Variants in PCDHGA10 observed in about 807,000 individuals in gnomAD.
The protein encoded by PCDHGA10 is protocadherin gamma subfamily A, 10, also known as protocadherin gamma-A10.
PCDHGA10 carries 42 observed loss-of-function variants against 59.5 expected under a neutral mutation model. The observed-to-expected ratio is 0.71, with a 90% CI of 0.55 to 0.91. The LOEUF (loss-of-function observed/expected upper bound fraction) is 0.91. Ranked by LOEUF, PCDHGA10 falls within the 40% of genes least tolerant of loss-of-function variation. The pLI is 0.00. For synonymous variants in PCDHGA10, 511 were observed against 517.2 expected, an observed-to-expected ratio of 0.99 and a Z score of 0.16; for missense variants, 1,111 against 1,198.2, an observed-to-expected ratio of 0.93 and a Z score of 1.07.
At chr5:141,441,871 G>A (rs1020432020) in intron 1 of PCDHGA10, 3 of 340,480 alleles carry the variant, frequency 8.8e-6, no homozygotes, top group Admixed American at 8.1e-5. Context: ...CGCGGAGCCT[G>A]GCTACCTGGT....
intron 3 of PCDHGA10, among the ~76,000 whole-genome samples, chr5:141,506,564 G>A (rs984395438): frequency 5.3e-5 from 8 of 152,016 alleles, no homozygotes; most frequent in East Asian, 1.9e-4. Context: ...AAACCCCCTC[G>A]GTTTCACTTA....
rs756761584 is a variant in PCDHGA10 at position 141,476,545 on chromosome 5, G to A, written c.2437-18262G>A. 13 of 1,614,230 alleles carry A rather than the reference G, an allele frequency of 8.1e-6. No homozygotes were observed. The Admixed American group carries it at 2.2e-4, about 27-fold the overall frequency. On this transcript the variant is annotated intron_variant, in intron 1 of 3. Coordinates refer to ENST00000398610, the MANE Select transcript of PCDHGA10 (RefSeq NM_018913.3). This position sits in a 1 kb window ranked among gnomAD's most constrained non-coding sequence, Gnocchi z 7.6. ...TCCCTACCCAGGAAATGAAATTGGA[G>A]ATTAGCGAGGCCGTGGCTCCGGGGA...
intron 1 of PCDHGA10, among the ~76,000 whole-genome samples, chr5:141,448,614 A>G (rs985924011): frequency 1.3e-5 from 2 of 152,070 alleles, no homozygotes; most frequent in East Asian, 1.9e-4. Flanking sequence ...ACCACTTTAT[A>G]TCTTCCTTTC....
Position 141,477,176 on chromosome 5 carries a change from G to A in PCDHGA10, c.2437-17631G>A. ...GAATGACAACGCCCCGGAGATCACA[G>A]TCACCTCCGTGTACAGCCCAGTACC... On this transcript the variant is annotated intron_variant, in intron 1 of 3. Transcript: ENST00000398610. The surrounding 1 kb of genome is among the most constrained non-coding windows in gnomAD (Gnocchi z 4.9). 2 of 1,614,206 alleles carry A rather than the reference G, an allele frequency of 1.2e-6. No individual in the cohort carries two copies. Among genetic ancestry groups the A allele is most frequent in the Admixed American group, 1.7e-5 (1 of 60,024 alleles).
chr5:141,460,848 C>T lies in PCDHGA10; in HGVS notation c.2437-33959C>T, dbSNP rs528601988. Among the ~76,000 whole-genome samples, 257 of 150,340 alleles carry T rather than the reference C, an allele frequency of 1.7e-3. 1 individual carries two copies. The highest frequency in any genetic ancestry group is 4.2e-3 in the Admixed American group (62 of 14,868). ...ACACTTAAAGTAATGGCCTCCAGTT[C>T]GATCCAAGTTGCTGCAAAGGACATT... is the stretch of plus-strand genomic sequence containing the variant. On this transcript the variant is annotated intron_variant, in intron 1 of 3. Transcript: ENST00000398610.
At chr5:141,418,563 C>A (rs2096269554) in intron 1 of PCDHGA10, 2 of 1,613,998 alleles carry the variant, frequency 1.2e-6, no homozygotes, top group Non-Finnish European at 1.7e-6. Context: ...GTAATAGATG[C>A]CAATGACAAC....
chr5:141,421,403 A>G, intron 1 of PCDHGA10: 1 of 1,614,054 alleles, frequency 6.2e-7, no homozygotes, highest in Non-Finnish European at 8.5e-7. Context: ...GAGCCCCGGG[A>G]GCTGGCGAAG....
At chr5:141,423,332 C>T in intron 1 of PCDHGA10, 1 of 1,614,198 alleles carries the variant, frequency 6.2e-7, no homozygotes, top group South Asian at 1.1e-5. Flanking sequence ...GCCGCAGTCT[C>T]CTGCATCTTC....
chr5:141,478,465 C>T (rs768021356), intron 1 of PCDHGA10: 6 of 1,613,730 alleles, frequency 3.7e-6, no homozygotes, highest in Non-Finnish European at 5.1e-6. Context: ...GTCCACTGGC[C>T]AGCCGCCAGA....
rs2099622509 is a variant in PCDHGA10 at position 141,485,988 on chromosome 5, G to T, written c.2437-8819G>T. On this transcript the variant is annotated intron_variant, in intron 1 of 3. Coordinates refer to ENST00000398610, the MANE Select transcript of PCDHGA10 (RefSeq NM_018913.3). The surrounding 1 kb of genome is among the most constrained non-coding windows in gnomAD (Gnocchi z 5.7). The stretch of plus-strand genomic sequence containing the variant: ...CTCAATGCCTCAGACCCGGACCTGG[G>T]TCCCAGTGGTAACGTCACCTTTTAT... 16 of 1,614,188 alleles carry T rather than the reference G, an allele frequency of 9.9e-6. No homozygotes were observed. The highest frequency in any genetic ancestry group is 1.4e-5 in the Non-Finnish European group (16 of 1,180,038).
rs2099403992 is a variant in PCDHGA10, at chr5:141,477,030, C to T, written c.2437-17777C>T. On this transcript the variant is annotated intron_variant, in intron 1 of 3. Transcript: ENST00000398610. This position sits in a 1 kb window ranked among gnomAD's most constrained non-coding sequence, Gnocchi z 4.9. ...TTAGACCTTGTAACCGGGATGCTGACAATCAAGGGTCGGCTGGACTTCGAG... is the reference window on the plus strand; with the variant it reads ...TTAGACCTTGTAACCGGGATGCTGATAATCAAGGGTCGGCTGGACTTCGAG... The T allele has an allele frequency of 1.2e-6, 2 of 1,614,272 alleles. No homozygotes were observed. The highest frequency in any genetic ancestry group is 1.6e-4 in the Middle Eastern group (1 of 6,062).
chr5:141,430,617 C>G, intron 1 of PCDHGA10: 1 of 715,450 alleles, frequency 1.4e-6, no homozygotes, highest in South Asian at 3.9e-5. Context: ...AAGCAGATAG[C>G]TAGGAATGAA....
At chr5:141,419,457 A>AGGCCCGCGACCAGGGCT in intron 1 of PCDHGA10, 2 of 1,612,728 alleles carry the variant, frequency 1.2e-6, no homozygotes, top group Non-Finnish European at 1.7e-6. Context: ...CTCACGCTGC[A>AGGCCCGCGACCAGGGCT]GGCCCGCGAC....
chr5:141,485,134 C>T lies in PCDHGA10; in HGVS notation c.2437-9673C>T. The T allele has an allele frequency of 6.7e-7, 1 of 1,495,958 alleles. No homozygotes were observed. The highest frequency in any genetic ancestry group is 1.4e-5 in the African/African-American group (1 of 72,714). 92.7% of individuals were successfully genotyped at this position (1,495,958 alleles called of 1,614,324 possible). On this transcript the variant is annotated intron_variant, in intron 1 of 3. Transcript: ENST00000398610. The surrounding 1 kb of genome is among the most constrained non-coding windows in gnomAD (Gnocchi z 5.7). Reference sequence around the variant, plus strand: ...CTGTTTGGGGCGGGTCGGCTTCATCCGCGTCTCAGGAGCAAGTAGAGAATT... The same window carrying T: ...CTGTTTGGGGCGGGTCGGCTTCATCTGCGTCTCAGGAGCAAGTAGAGAATT...
At chr5:141,442,466 A>T (rs1270035223) in intron 1 of PCDHGA10, 1 of 152,254 alleles carries the variant, frequency 6.6e-6, no homozygotes, top group African/African-American at 2.4e-5. Flanking sequence ...TTCACTGCAG[A>T]AAGCCCCTTG....
chr5:141,472,065 G>C lies in PCDHGA10; in HGVS notation c.2437-22742G>C, dbSNP rs115025688. Among the ~76,000 whole-genome samples the C allele has an allele frequency of 1.7e-3, 265 of 152,218 alleles. 1 individual carries two copies. Among genetic ancestry groups the C allele is most frequent in the Middle Eastern group, 3.4e-3 (1 of 294 alleles). On this transcript the variant is annotated intron_variant, in intron 1 of 3. Coordinates refer to ENST00000398610, the MANE Select transcript of PCDHGA10 (RefSeq NM_018913.3). ...GATTTTAAAAATGATTGACATGTCT[G>C]TGGTTATATCAATGAGTACTATTAT...
At position 141,432,374 on chromosome 5, in the gene PCDHGA10, C is replaced by G; in HGVS notation, c.2436+16763C>G. The G allele has an allele frequency of 6.2e-7, 1 of 1,614,240 alleles. No individual in the cohort carries two copies. The highest frequency in any genetic ancestry group is 1.1e-5 in the South Asian group (1 of 91,082). ...GAAAGTGATGGCGCGGGACAACGGG[C>G]ACCCGCCCCTCAGCAGCAACGTGTC... On this transcript the variant is annotated intron_variant, in intron 1 of 3. Transcript: ENST00000398610. The surrounding 1 kb of genome is among the most constrained non-coding windows in gnomAD (Gnocchi z 6.0).
At chr5:141,508,681 C>T (rs970069) in intron 3 of PCDHGA10, among the ~76,000 whole-genome samples, 26,289 of 151,984 alleles carry the variant, frequency 0.17, 2,539 homozygotes, top group Admixed American at 0.29. Flanking sequence ...CTCCCTTCTC[C>T]CTGCTTCTCC....
intron 2 of PCDHGA10, among the ~76,000 whole-genome samples, chr5:141,495,834 C>T (rs1366861675): frequency 6.6e-6 from 1 of 152,198 alleles, no homozygotes; most frequent in African/African-American, 2.4e-5. Context: ...CTATCCCCAG[C>T]CTCTATGTTT....
Sources: allele counts gnomAD v4.1 joint callset (sites outside exome capture counted in the v4.1 genomes callset), GRCh38; gene constraint gnomAD v4.1.1; non-coding constraint Gnocchi (gnomAD v3.1); transcripts MANE v1.5; gene names NCBI Gene and HGNC (gene_info 2026-07-23, HGNC 2026-07-21).